GRIP1: variants seen among roughly 807,000 people sequenced by gnomAD.
GRIP1 encodes the protein glutamate receptor-interacting protein 1.
In GRIP1, 45 loss-of-function variants were observed where a neutral mutation model predicts 129.9. That is an observed-to-expected ratio of 0.35 (90% CI 0.27 to 0.44). The LOEUF is 0.44. GRIP1 is among the 20% of genes least tolerant of loss of function. The probability of loss-of-function intolerance (pLI) is 1.00; values close to 1 mark genes in which losing one functional copy is unlikely to be tolerated. For missense variants in GRIP1, 1,196 were observed against 1,396.8 expected (o/e 0.86, Z 2.29); for synonymous variants, 530 against 520.8 (o/e 1.02, Z -0.24).
intron 5 of GRIP1, among the ~76,000 whole-genome samples, chr12:66,524,458 C>G: frequency 6.6e-6 from 1 of 151,886 alleles, no homozygotes; most frequent in East Asian, 1.9e-4. Flanking sequence ...AAGGCAGAAA[C>G]AAAGATGTTC....
chr12:66,622,463 G>A (rs1337685516), intron 1 of GRIP1, among the ~76,000 whole-genome samples: 1 of 152,086 alleles, frequency 6.6e-6, no homozygotes, highest in East Asian at 1.9e-4. Context: ...TAATTGAGAT[G>A]CTGGATACCC....
chr12:67,029,325 G>C (rs536351567), intron 1 of GRIP1, among the ~76,000 whole-genome samples: 2 of 152,120 alleles, frequency 1.3e-5, no homozygotes, highest in East Asian at 3.9e-4. Flanking sequence ...CATTGCCCAG[G>C]CTAGTCTTGA....
chr12:66,959,521 G>A (rs1010278990), intron 1 of GRIP1, among the ~76,000 whole-genome samples: 48 of 152,040 alleles, frequency 3.2e-4, no homozygotes, highest in African/African-American at 1.1e-3. Flanking sequence ...TTTCTGGCTC[G>A]GTAGCCACAA....
At chr12:67,033,551 A>C (rs116230418) in intron 1 of GRIP1, among the ~76,000 whole-genome samples, 1 of 152,116 alleles carries the variant, frequency 6.6e-6, no homozygotes, top group Admixed American at 6.6e-5. Context: ...AATGTATTCC[A>C]ATCTTCTCAT....
chr12:66,727,358 T>C (rs1345585233), intron 1 of GRIP1, among the ~76,000 whole-genome samples: 1 of 152,168 alleles, frequency 6.6e-6, no homozygotes, highest in Non-Finnish European at 1.5e-5. Context: ...AGAAAGACAG[T>C]TCTGAGGTGA....
chr12:66,555,089 T>C (rs911047389), intron 2 of GRIP1, among the ~76,000 whole-genome samples: 1 of 152,100 alleles, frequency 6.6e-6, no homozygotes, highest in African/African-American at 2.4e-5. Flanking sequence ...CAGCAGGCCT[T>C]AGGTGAGACC....
intron 1 of GRIP1, among the ~76,000 whole-genome samples, chr12:66,716,225 T>C (rs1051005813): frequency 1.3e-5 from 2 of 152,148 alleles, no homozygotes. Flanking sequence ...TGAACACATT[T>C]AATTTGCATT....
chr12:66,446,592 T>C (rs777792776), intron 11 of GRIP1, among the ~76,000 whole-genome samples: 1 of 152,224 alleles, frequency 6.6e-6, no homozygotes, highest in Non-Finnish European at 1.5e-5. Flanking sequence ...ATTTCTGCTC[T>C]GTCTCATTTT....
chr12:67,022,470 T>C (rs548408602), intron 1 of GRIP1, among the ~76,000 whole-genome samples: 57 of 152,312 alleles, frequency 3.7e-4, no homozygotes, highest in African/African-American at 1.3e-3. Context: ...AATGGTTTGA[T>C]GATTTAGTAG....
intron 5 of GRIP1, among the ~76,000 whole-genome samples, chr12:66,524,422 A>G (rs1358264105): frequency 6.6e-6 from 1 of 152,206 alleles, no homozygotes; most frequent in Admixed American, 6.5e-5. Flanking sequence ...CTGCTCCTGA[A>G]TGACTACTGG....
chr12:66,838,502 C>A (rs1284486335), intron 1 of GRIP1, among the ~76,000 whole-genome samples: 1 of 152,156 alleles, frequency 6.6e-6, no homozygotes, highest in Non-Finnish European at 1.5e-5. Context: ...TCTGATCAGA[C>A]AAGAATCTTG....
At position 66,670,339 on chromosome 12, in the gene GRIP1, C is replaced by T. The variant is rs139674426; in HGVS notation, c.55+8511G>A. Among the ~76,000 whole-genome samples, 56 of 152,310 alleles carry T rather than the reference C, an allele frequency of 3.7e-4. 1 individual carries two copies. Among genetic ancestry groups the T allele is most frequent in the African/African-American group, 1.2e-3 (50 of 41,564 alleles). ...AGGACAAAAAATCACATGAAAATTA[C>T]AATATTCATTTCCATCCCCATGGAA... On this transcript the variant is annotated intron_variant, in intron 1 of 24. Transcript: ENST00000359742.
At chr12:66,853,296 T>C (rs767477933) in intron 1 of GRIP1, among the ~76,000 whole-genome samples, 4 of 151,940 alleles carry the variant, frequency 2.6e-5, no homozygotes, top group Admixed American at 6.6e-5. Context: ...GCTTTTTTTT[T>C]CCTAAGCCTT....
At chr12:67,027,843 TA>T (rs1192862828) in intron 1 of GRIP1, among the ~76,000 whole-genome samples, 1 of 152,042 alleles carries the variant, frequency 6.6e-6, no homozygotes, top group Admixed American at 6.6e-5. Flanking sequence ...GCCTTGACCT[TA>T]AAAAAACAGT....
At chr12:66,628,336 A>T (rs2030340727) in intron 1 of GRIP1, among the ~76,000 whole-genome samples, 1 of 152,194 alleles carries the variant, frequency 6.6e-6, no homozygotes, top group South Asian at 2.1e-4. Context: ...CTGTGTACCT[A>T]GGCCTCCAGT....
chr12:66,506,519 G>T (rs544753792), intron 7 of GRIP1, among the ~76,000 whole-genome samples: 102 of 152,254 alleles, frequency 6.7e-4, no homozygotes, highest in Non-Finnish European at 9.0e-4. Context: ...CAAGACAGGG[G>T]TTACACATGG....
intron 1 of GRIP1, among the ~76,000 whole-genome samples, chr12:66,897,273 A>T (rs1181191017): frequency 1.3e-5 from 2 of 152,102 alleles, no homozygotes; most frequent in Non-Finnish European, 2.9e-5. Flanking sequence ...AAGTGCCCTA[A>T]AGCCCTGCCC....
In GRIP1 at chr12:66,782,887, T is replaced by C. The variant is rs570649117; in HGVS notation, c.-420+21166A>G. 7.4e-4 allele frequency among the ~76,000 whole-genome samples: 113 copies of C among 152,342 alleles called. 1 individual carries two copies. The highest frequency in any genetic ancestry group is 1.2e-3 in the Non-Finnish European group (84 of 68,034). On this transcript the variant is annotated intron_variant, in intron 1 of 4. Transcript: ENST00000538373. ...CTGAAGATGGTTAGAGAAGTTAACA[T>C]ACTTTGACAAAATTAAAAATCAGTT...
chr12:67,049,353 C>A (rs964839066), intron 1 of GRIP1, among the ~76,000 whole-genome samples: 6 of 152,110 alleles, frequency 3.9e-5, no homozygotes, highest in African/African-American at 1.2e-4. Context: ...TATTTTGGCA[C>A]ATATACACCA....
Sources: gnomAD v4.1 joint callset for allele counts (sites outside exome capture counted in the v4.1 genomes callset) on GRCh38, gnomAD v4.1.1 for gene constraint, MANE v1.5 for transcripts, NCBI Gene and HGNC (gene_info 2026-07-23, HGNC 2026-07-21) for gene names.